The following SDK1 variants were observed in gnomAD, a reference collection of about 807,000 sequenced individuals.
The protein encoded by SDK1 is protein sidekick-1.
SDK1 carries 157 observed loss-of-function variants against 245.5 expected under a neutral mutation model. The observed-to-expected ratio is 0.64, with a 90% confidence interval of 0.56 to 0.73. The LOEUF (loss-of-function observed/expected upper bound fraction) is 0.73. Among genes scored for constraint, SDK1 ranks in the 30% least tolerant of loss-of-function variants. The probability of loss-of-function intolerance (pLI) is 0.00; values close to 1 mark genes in which losing one functional copy is unlikely to be tolerated. For synonymous variants in SDK1, 1,647 were observed against 1,278.5 expected (o/e 1.29, Z -6.15); for missense variants, 3,583 against 3,002.3 (o/e 1.19, Z -4.52).
chr7:3,809,015 C>T (rs1382289466), intron 4 of SDK1, among the ~76,000 whole-genome samples: 1 of 152,048 alleles, frequency 6.6e-6, no homozygotes, highest in African/African-American at 2.4e-5. Context: ...GCTGTTCTTG[C>T]ATTGTTATAA....
chr7:3,387,001 CAGTT>C (rs1781625042), intron 1 of SDK1, among the ~76,000 whole-genome samples: 1 of 152,152 alleles, frequency 6.6e-6, no homozygotes, highest in Non-Finnish European at 1.5e-5. Context: ...CATTCATCTT[CAGTT>C]AGTTGAGATG....
intron 5 of SDK1, among the ~76,000 whole-genome samples, chr7:3,923,449 G>T (rs533529328): frequency 6.6e-6 from 1 of 152,180 alleles, no homozygotes; most frequent in African/African-American, 2.4e-5. Flanking sequence ...TCGAGAAGTT[G>T]CCCGGGCTCT....
At chr7:3,373,918 T>C (rs2128564228) in intron 1 of SDK1, among the ~76,000 whole-genome samples, 1 of 152,280 alleles carries the variant, frequency 6.6e-6, no homozygotes, top group African/African-American at 2.4e-5. Context: ...GTACATGATT[T>C]ATATGAAGAA....
In SDK1 at chr7:3,320,173, C is replaced by T. The variant is rs150750134; in HGVS notation, c.298+18289C>T. Among the ~76,000 whole-genome samples, 8 of 152,100 alleles carry T rather than the reference C, an allele frequency of 5.3e-5. No homozygotes were observed. In the East Asian group the frequency reaches 7.7e-4, roughly 15 times the overall value. ...CACTCCCCTCTCATTCTCTCCTGCC[C>T]GTCCTTCCCACCGCACACATGCGCT... On this transcript the variant is annotated intron_variant, in intron 1 of 44. Coordinates refer to ENST00000404826, the MANE Select transcript of SDK1 (RefSeq NM_152744.4).
intron 1 of SDK1, among the ~76,000 whole-genome samples, chr7:3,607,495 T>A (rs1281847085): frequency 6.6e-6 from 1 of 152,248 alleles, no homozygotes. Flanking sequence ...TTTTTCAAAA[T>A]TCTCATTTGT....
intron 1 of SDK1, among the ~76,000 whole-genome samples, chr7:3,491,080 T>C (rs995789615): frequency 2.6e-5 from 4 of 152,234 alleles, no homozygotes; most frequent in African/African-American, 9.6e-5. Flanking sequence ...TCCCATTTTA[T>C]AGATTACAGC....
At chr7:3,808,099 C>T (rs754473326) in intron 4 of SDK1, among the ~76,000 whole-genome samples, 7 of 152,122 alleles carry the variant, frequency 4.6e-5, no homozygotes, top group Non-Finnish European at 1.0e-4. Context: ...TGATGTTAAC[C>T]CCTGGTTGCT....
chr7:3,951,330 C>A (rs1780810645), intron 6 of SDK1, among the ~76,000 whole-genome samples: 1 of 152,174 alleles, frequency 6.6e-6, no homozygotes, highest in Non-Finnish European at 1.5e-5. Flanking sequence ...GGAAAAAGTT[C>A]ATTGCTCTTC....
chr7:4,149,014 C>G (rs555617332), intron 29 of SDK1, among the ~76,000 whole-genome samples: 1 of 152,260 alleles, frequency 6.6e-6, no homozygotes, highest in Non-Finnish European at 1.5e-5. Context: ...TGAGATCACG[C>G]CACTGCACTC....
chr7:3,975,370 C>T (rs966656297), intron 13 of SDK1, among the ~76,000 whole-genome samples: 13 of 152,300 alleles, frequency 8.5e-5, no homozygotes, highest in Admixed American at 2.0e-4. Flanking sequence ...CCCTGGTCAT[C>T]GTTTGACATG....
At chr7:4,075,668 T>C (rs1460263717) in intron 20 of SDK1, among the ~76,000 whole-genome samples, 1 of 151,942 alleles carries the variant, frequency 6.6e-6, no homozygotes, top group East Asian at 1.9e-4. Context: ...TTTTTTTTTT[T>C]TTTTAAGACA....
chr7:4,153,141 A>G (rs1426043520), intron 30 of SDK1, among the ~76,000 whole-genome samples: 1 of 151,864 alleles, frequency 6.6e-6, no homozygotes, highest in Non-Finnish European at 1.5e-5. Flanking sequence ...GGGGTTCCAA[A>G]CAGAAGACAG....
chr7:4,221,431 G>A (rs943907467), intron 40 of SDK1, 67 bp downstream of exon 40: 22 of 1,505,260 alleles, frequency 1.5e-5, no homozygotes, highest in Middle Eastern at 2.1e-4. Flanking sequence ...AGACTGTGTC[G>A]GGGGCTTCCA....
chr7:3,495,680 C>T (rs922886739), intron 1 of SDK1, among the ~76,000 whole-genome samples: 19 of 152,326 alleles, frequency 1.2e-4, no homozygotes, highest in Middle Eastern at 3.4e-3. Context: ...CCAACTACTC[C>T]GTGTGGTTCC....
chr7:4,091,740 C>T (rs1034147294), intron 22 of SDK1, among the ~76,000 whole-genome samples: 8 of 151,794 alleles, frequency 5.3e-5, no homozygotes, highest in African/African-American at 9.7e-5. Context: ...ATAAGAGCTG[C>T]TGTTCAGCCT....
chr7:4,197,547 C>T (rs151035817), intron 35 of SDK1, among the ~76,000 whole-genome samples: 98 of 152,278 alleles, frequency 6.4e-4, no homozygotes, highest in Non-Finnish European at 9.7e-4. Flanking sequence ...GGATGCTTCG[C>T]GGTCAAGGCC....
intron 4 of SDK1, among the ~76,000 whole-genome samples, chr7:3,806,587 A>G (rs1490503087): frequency 2.0e-5 from 3 of 152,216 alleles, no homozygotes; most frequent in African/African-American, 7.2e-5. Context: ...ACACCTGTTC[A>G]TTTGAATCAT....
At chr7:3,822,737 C>T (rs1486842783) in intron 5 of SDK1, among the ~76,000 whole-genome samples, 1 of 150,892 alleles carries the variant, frequency 6.6e-6, no homozygotes, top group Non-Finnish European at 1.5e-5. Context: ...CATTACACTC[C>T]AGCCTGGGCA....
chr7:3,850,369 T>C (rs569261133), intron 5 of SDK1, among the ~76,000 whole-genome samples: 2 of 152,342 alleles, frequency 1.3e-5, no homozygotes, highest in East Asian at 3.9e-4. Context: ...ATTTTACTCT[T>C]TTCTGGAATG....
Sources: allele counts gnomAD v4.1 joint callset (sites outside exome capture counted in the v4.1 genomes callset), GRCh38; gene constraint gnomAD v4.1.1; transcripts MANE v1.5; gene names NCBI Gene and HGNC (gene_info 2026-07-23, HGNC 2026-07-21).